The following WDR48 variants were observed in gnomAD, a reference collection of about 807,000 sequenced individuals.
WDR48 encodes the protein WD repeat-containing protein 48.
Under a neutral mutation model 94.0 loss-of-function variants are expected in WDR48, and 22 were observed. The observed-to-expected ratio is 0.23, with a 90% CI of 0.17 to 0.33. The LOEUF (loss-of-function observed/expected upper bound fraction) is 0.33. Ranked by LOEUF, WDR48 falls within the 10% of genes least tolerant of loss-of-function variation. WDR48 has a pLI of 1.00. For synonymous variants in WDR48, 278 were observed against 280.5 expected (o/e 0.99, Z 0.09); for missense variants, 541 against 813.8 (o/e 0.66, Z 4.08).
At chr3:39,054,987 C>T (rs1258796278) in intron 1 of WDR48, among the ~76,000 whole-genome samples, 3 of 152,190 alleles carry the variant, frequency 2.0e-5, no homozygotes, top group Non-Finnish European at 4.4e-5. Flanking sequence ...TTGAAATATG[C>T]ACAACTTTGT....
chr3:39,075,588 A>T (rs2034180076), intron 8 of WDR48, among the ~76,000 whole-genome samples: 1 of 152,154 alleles, frequency 6.6e-6, no homozygotes, highest in Non-Finnish European at 1.5e-5. Context: ...ATCCATATGG[A>T]CACCTGCTGA....
At chr3:39,091,366 G>A (rs1481059097) in intron 16 of WDR48, 1 of 231,162 alleles carries the variant, frequency 4.3e-6, no homozygotes, top group Non-Finnish European at 8.4e-6. Context: ...ATTAAAGTTT[G>A]TTTCCCTTTA....
intron 18 of WDR48, chr3:39,094,298 GAC>G: frequency 7.0e-7 from 1 of 1,424,270 alleles, no homozygotes; most frequent in Non-Finnish European, 9.1e-7. Context: ...CAAGAAAAAA[GAC>G]ACATGGTCTT....
chr3:39,094,566 C>T (rs2035244064), intron 18 of WDR48, 82 bp from the exon 19 acceptor site: 1 of 1,576,272 alleles, frequency 6.3e-7, no homozygotes, highest in Non-Finnish European at 8.6e-7. Context: ...AGCTGGATCA[C>T]CTGATGAGAG....
In WDR48 at chr3:39,069,765, G is replaced by C. The variant is rs541865838; in HGVS notation, c.672+21G>C. 176 of 1,597,012 alleles carry C rather than the reference G, an allele frequency of 1.1e-4. No homozygotes were observed. In the South Asian group the frequency reaches 1.7e-3, roughly 16 times the overall value. ...CGCAAGTATGCAGTTTCATTTGGGT[G>C]TTTACCTAATAACCTTGTTAGAAAT... On this transcript the variant is annotated intron_variant, in intron 7 of 18. Transcript: ENST00000302313.
intron 16 of WDR48, chr3:39,089,695 G>T (rs1465000159): frequency 6.4e-6 from 1 of 155,150 alleles, no homozygotes; most frequent in Non-Finnish European, 1.4e-5. Flanking sequence ...TATTATTTGT[G>T]TACATAGATG....
intron 2 of WDR48, among the ~76,000 whole-genome samples, chr3:39,064,563 C>T (rs2033480265): frequency 6.6e-6 from 1 of 152,190 alleles, no homozygotes; most frequent in African/African-American, 2.4e-5. Flanking sequence ...GCGTGAGCCA[C>T]CGCGCCTGGC....
intron 17 of WDR48, 31 bp downstream of exon 17, chr3:39,091,732 TA>T: frequency 6.6e-7 from 1 of 1,525,884 alleles, no homozygotes; most frequent in Non-Finnish European, 8.9e-7. Context: ...TTGATCTAAT[TA>T]ACTACTAGAG....
chr3:39,094,436 G>T, intron 18 of WDR48: 1 of 1,529,106 alleles, frequency 6.5e-7, no homozygotes, highest in Non-Finnish European at 8.7e-7. Context: ...CTGAAAGATG[G>T]CCTGGTGTTT....
intron 13 of WDR48, 27 bp from the exon 14 acceptor site, chr3:39,085,488 A>C (rs1232510136): frequency 1.3e-6 from 2 of 1,569,010 alleles, no homozygotes; most frequent in Non-Finnish European, 1.7e-6. Flanking sequence ...TTTCCATTTT[A>C]TCTCTTTTTA....
chr3:39,085,475 G>A lies in WDR48; in HGVS notation c.1379-40G>A, dbSNP rs146706397. The stretch of plus-strand genomic sequence containing the variant: ...TTTTTAGGTTAAAGCCAAGTAACTC[G>A]CTTTTCCATTTTATCTCTTTTTAAT... On this transcript the variant is annotated intron_variant, in intron 13 of 18. Transcript: ENST00000302313. The A allele has an allele frequency of 2.1e-5, 32 of 1,514,614 alleles. No individual in the cohort carries two copies. The East Asian group carries it at 4.1e-4, about 19-fold the overall frequency. The allele number at this position is 1,514,614 out of a possible 1,614,324, so 93.8% of individuals were successfully genotyped here. A position where few individuals can be genotyped will look rare whatever the true frequency, so the allele number is the denominator to read the frequency against.
intron 10 of WDR48, among the ~76,000 whole-genome samples, chr3:39,078,988 C>T (rs1168566363): frequency 6.7e-6 from 1 of 150,006 alleles, no homozygotes; most frequent in Non-Finnish European, 1.5e-5. Context: ...CGAGATCCCG[C>T]CACTGCACTC....
intron 7 of WDR48, among the ~76,000 whole-genome samples, chr3:39,072,694 T>C (rs917576816): frequency 2.0e-5 from 3 of 152,190 alleles, no homozygotes; most frequent in Non-Finnish European, 4.4e-5. Context: ...AATGAACATC[T>C]TCATGTTTAT....
At chr3:39,067,027 GA>G (rs1316647572) in intron 5 of WDR48, 152 bp downstream of exon 5, 11 of 898,496 alleles carry the variant, frequency 1.2e-5, no homozygotes, top group Non-Finnish European at 1.5e-5. Flanking sequence ...CCAAGAGTAT[GA>G]TTGAACAACA....
intron 13 of WDR48, among the ~76,000 whole-genome samples, chr3:39,085,226 C>CA (rs34102329): frequency 0.19 from 25,969 of 139,196 alleles, 2,650 homozygotes; most frequent in East Asian, 0.31. Context: ...GACTCTATCT[C>CA]AAAAAAAAAA....
In WDR48 at chr3:39,053,087, T is replaced by C. The variant is rs559912886; in HGVS notation, c.48+1014T>C. 5.9e-5 allele frequency among the ~76,000 whole-genome samples: 9 copies of C among 152,380 alleles called. No homozygotes were observed. In the South Asian group the frequency reaches 1.9e-3, roughly 32 times the overall value. On this transcript the variant is annotated intron_variant, in intron 1 of 18. Transcript: ENST00000302313. ...GTGATGCAGGGAATAAAAGCCCTCT[T>C]ACAGGTGTTTGCCTGCAGGTATATT...
chr3:39,094,139 TG>T, intron 18 of WDR48, 73 bp downstream of exon 18: 2 of 1,530,226 alleles, frequency 1.3e-6, no homozygotes, highest in Non-Finnish European at 1.7e-6. Context: ...TGCCTTTGGG[TG>T]GGGGGCTTCT....
intron 8 of WDR48, 134 bp downstream of exon 8, chr3:39,075,084 A>G (rs962726306): frequency 2.6e-5 from 22 of 846,608 alleles, no homozygotes; most frequent in Non-Finnish European, 3.8e-5. Context: ...AAGATATTCC[A>G]TCATGAGCAG....
chr3:39,068,475 CA>C (rs1332981332), intron 5 of WDR48, among the ~76,000 whole-genome samples: 3 of 152,100 alleles, frequency 2.0e-5, no homozygotes, highest in African/African-American at 7.2e-5. Flanking sequence ...TGAAATTGAA[CA>C]TTTTTTCATA....
Sources: gnomAD v4.1 joint callset for allele counts (sites outside exome capture counted in the v4.1 genomes callset) on GRCh38, gnomAD v4.1.1 for gene constraint, MANE v1.5 for transcripts, NCBI Gene and HGNC (gene_info 2026-07-23, HGNC 2026-07-21) for gene names.